Variants in CADM2 observed in about 807,000 individuals in gnomAD.
The protein encoded by CADM2 is immunoglobulin superfamily member 4D.
CADM2 carries 12 observed loss-of-function variants against 49.8 expected under a neutral mutation model. The ratio of observed to expected loss-of-function variants is 0.24; its 90% CI spans 0.15 to 0.39. The LOEUF (loss-of-function observed/expected upper bound fraction) is 0.39, where lower values mean the gene tolerates loss of function less well. Ranked by LOEUF, CADM2 falls within the 10% of genes least tolerant of loss-of-function variation. CADM2 has a pLI of 1.00. For synonymous variants in CADM2, 214 were observed against 175.4 expected, an observed-to-expected ratio of 1.22 and a Z score of -1.74; for missense variants, 378 against 492.3, an observed-to-expected ratio of 0.77 and a Z score of 2.20.
At chr3:85,601,149 TATATATATATATATATATATATATAC>T (rs1337589889) in intron 1 of CADM2, among the ~76,000 whole-genome samples, 1 of 124,120 alleles carries the variant, frequency 8.1e-6, no homozygotes, top group African/African-American at 3.3e-5. Context: ...TATATATATA[TATATATATATATATATATATATATAC>T]ACACACACAC....
At chr3:84,973,432 G>A (rs1249607671) in intron 1 of CADM2, among the ~76,000 whole-genome samples, 1 of 151,952 alleles carries the variant, frequency 6.6e-6, no homozygotes, top group Non-Finnish European at 1.5e-5. Context: ...TATGATGCCA[G>A]TTTCTTTATT....
chr3:85,159,095 A>G (rs940212445), intron 1 of CADM2, among the ~76,000 whole-genome samples: 3 of 152,196 alleles, frequency 2.0e-5, no homozygotes, highest in Non-Finnish European at 4.4e-5. Flanking sequence ...AACATATTTT[A>G]TACTTTCTTT....
At chr3:85,923,368 G>T (rs1719392730) in intron 6 of CADM2, among the ~76,000 whole-genome samples, 1 of 151,966 alleles carries the variant, frequency 6.6e-6, no homozygotes, top group African/African-American at 2.4e-5. Flanking sequence ...AGTATCAAAA[G>T]TGAAAACTTG....
At chr3:85,564,501 G>A (rs1195734368) in intron 1 of CADM2, among the ~76,000 whole-genome samples, 3 of 151,908 alleles carry the variant, frequency 2.0e-5, no homozygotes, top group Non-Finnish European at 4.4e-5. Flanking sequence ...GATACTCCTA[G>A]GATCTATTGC....
At chr3:85,312,500 G>A (rs1208019228) in intron 1 of CADM2, among the ~76,000 whole-genome samples, 1 of 151,904 alleles carries the variant, frequency 6.6e-6, no homozygotes, top group East Asian at 1.9e-4. Flanking sequence ...GGCATGATTT[G>A]ATTTCATCAT....
intron 8 of CADM2, among the ~76,000 whole-genome samples, chr3:86,046,223 G>C (rs548041452): frequency 1.3e-5 from 2 of 152,100 alleles, no homozygotes; most frequent in South Asian, 4.1e-4. Flanking sequence ...CTTCTTACAT[G>C]CTTCCAGTTT....
intron 1 of CADM2, among the ~76,000 whole-genome samples, chr3:84,965,598 G>A (rs560915408): frequency 5.9e-5 from 9 of 152,046 alleles, no homozygotes; most frequent in Non-Finnish European, 8.8e-5. Context: ...CCAAACTATC[G>A]GGAACATAGG....
At chr3:85,011,505 A>C (rs1404757517) in intron 1 of CADM2, among the ~76,000 whole-genome samples, 1 of 152,242 alleles carries the variant, frequency 6.6e-6, no homozygotes, top group African/African-American at 2.4e-5. Context: ...TAGCAATTCC[A>C]TGCTGTGTGT....
intron 1 of CADM2, among the ~76,000 whole-genome samples, chr3:85,064,586 T>A (rs1309831807): frequency 6.6e-6 from 1 of 152,094 alleles, no homozygotes; most frequent in Non-Finnish European, 1.5e-5. Context: ...TTTTTTGAAA[T>A]CTTGCCTCCT....
At chr3:85,191,354 A>C (rs2107725187) in intron 1 of CADM2, among the ~76,000 whole-genome samples, 1 of 152,250 alleles carries the variant, frequency 6.6e-6, no homozygotes, top group African/African-American at 2.4e-5. Flanking sequence ...CATATGATAT[A>C]GTAAATTAAA....
intron 8 of CADM2, among the ~76,000 whole-genome samples, chr3:85,998,111 G>A (rs2108730384): frequency 6.6e-6 from 1 of 152,226 alleles, no homozygotes; most frequent in South Asian, 2.1e-4. Context: ...AATCCCACCA[G>A]ACATAGAAGG....
intron 1 of CADM2, among the ~76,000 whole-genome samples, chr3:85,678,821 G>A (rs1247168948): frequency 6.6e-6 from 1 of 152,120 alleles, no homozygotes; most frequent in Admixed American, 6.6e-5. Context: ...GATCTCAACT[G>A]GGGTGAATTT....
intron 8 of CADM2, among the ~76,000 whole-genome samples, chr3:85,987,931 T>C (rs534719477): frequency 6.6e-6 from 1 of 152,226 alleles, no homozygotes; most frequent in African/African-American, 2.4e-5. Flanking sequence ...GCTGTGCCTT[T>C]GAAGCTGAAA....
chr3:85,145,558 A>G (rs2039713099), intron 1 of CADM2, among the ~76,000 whole-genome samples: 1 of 152,040 alleles, frequency 6.6e-6, no homozygotes, highest in Non-Finnish European at 1.5e-5. Context: ...ACTTTTGAAA[A>G]ACTGTAAGGT....
At position 84,988,980 on chromosome 3, in the gene CADM2, G is replaced by A. The variant is rs542304999; in HGVS notation, c.61+29312G>A. ...TTCTAGATCTAATTCTAGGTTTTGG[G>A]GAATAGATGGGAACAAGAGGCAAAG... On this transcript the variant is annotated intron_variant, in intron 1 of 9. Transcript: ENST00000383699. 4.6e-5 allele frequency among the ~76,000 whole-genome samples: 7 copies of A among 152,128 alleles called. No homozygotes were observed. In the East Asian group the frequency reaches 1.2e-3, roughly 25 times the overall value.
intron 1 of CADM2, among the ~76,000 whole-genome samples, chr3:85,718,790 T>TAC (rs888713633): frequency 3.3e-5 from 5 of 151,336 alleles, no homozygotes; most frequent in African/African-American, 1.2e-4. Context: ...AATCTCAAAA[T>TAC]ACACACAAAA....
intron 2 of CADM2, among the ~76,000 whole-genome samples, chr3:85,768,498 CTTT>C (rs10707034): frequency 6.8e-6 from 1 of 146,922 alleles, no homozygotes; most frequent in Non-Finnish European, 1.5e-5. Flanking sequence ...ATTTAAAATA[CTTT>C]TTTTTTTATC....
At chr3:85,580,160 A>C (rs1304807420) in intron 1 of CADM2, among the ~76,000 whole-genome samples, 1 of 152,186 alleles carries the variant, frequency 6.6e-6, no homozygotes, top group Non-Finnish European at 1.5e-5. Context: ...TTCGAAATGT[A>C]AGTTATTTAT....
intron 1 of CADM2, among the ~76,000 whole-genome samples, chr3:85,569,740 A>T (rs1315224932): frequency 6.6e-6 from 1 of 151,896 alleles, no homozygotes; most frequent in Admixed American, 6.6e-5. Flanking sequence ...ATAGAATGAA[A>T]TGAGAAATTA....
Sources: allele counts gnomAD v4.1 joint callset (sites outside exome capture counted in the v4.1 genomes callset), GRCh38; gene constraint gnomAD v4.1.1; transcripts MANE v1.5; gene names NCBI Gene and HGNC (gene_info 2026-07-23, HGNC 2026-07-21).